Variants in NELL1 observed in about 807,000 individuals in gnomAD.
The protein encoded by NELL1 is neural EGFL like 1.
Under a neutral mutation model 107.4 loss-of-function variants are expected in NELL1, and 76 were observed. The observed-to-expected ratio is 0.71, with a 90% CI of 0.59 to 0.86. The LOEUF (loss-of-function observed/expected upper bound fraction) is 0.86, where lower values mean the gene tolerates loss of function less well. Ranked by LOEUF, NELL1 falls within the 40% of genes least tolerant of loss-of-function variation. The pLI is 0.00. For synonymous variants in NELL1, 353 were observed against 341.2 expected, an observed-to-expected ratio of 1.03 and a Z score of -0.38; for missense variants, 1,024 against 1,005.5, an observed-to-expected ratio of 1.02 and a Z score of -0.25.
At chr11:21,166,233 G>T (rs979879735) in intron 13 of NELL1, among the ~76,000 whole-genome samples, 2 of 151,690 alleles carry the variant, frequency 1.3e-5, no homozygotes, top group African/African-American at 4.9e-5. Flanking sequence ...GGCTGGGAAG[G>T]GTAGTTGGAG....
At chr11:21,032,379 TTTGTTGTTGTTTTTG>T (rs1338530654) in intron 12 of NELL1, among the ~76,000 whole-genome samples, 7 of 152,066 alleles carry the variant, frequency 4.6e-5, no homozygotes, top group Non-Finnish European at 1.0e-4. Flanking sequence ...ATGTAGAATT[TTTGTTGTTGTTTTTG>T]TTGTTGTTGT....
At chr11:21,031,203 C>T (rs1334119080) in intron 12 of NELL1, among the ~76,000 whole-genome samples, 1 of 152,160 alleles carries the variant, frequency 6.6e-6, no homozygotes, top group African/African-American at 2.4e-5. Flanking sequence ...CTGTGCACTT[C>T]CCTGCTGTTA....
At chr11:21,374,305 C>T (rs2133757872) in intron 15 of NELL1, among the ~76,000 whole-genome samples, 1 of 152,150 alleles carries the variant, frequency 6.6e-6, no homozygotes, top group South Asian at 2.1e-4. Context: ...AAGATGTTGA[C>T]TGGGCCAGTG....
chr11:21,039,210 T>G (rs1426635172), intron 12 of NELL1, among the ~76,000 whole-genome samples: 1 of 151,392 alleles, frequency 6.6e-6, no homozygotes, highest in Non-Finnish European at 1.5e-5. Context: ...CGAGACAGAG[T>G]CTTGCTCTGC....
intron 14 of NELL1, among the ~76,000 whole-genome samples, chr11:21,331,423 C>T (rs1028854354): frequency 5.9e-5 from 9 of 152,020 alleles, no homozygotes; most frequent in African/African-American, 2.2e-4. Flanking sequence ...TTTAGTGACA[C>T]TGGCAGTGTA....
At position 20,988,194 on chromosome 11, in the gene NELL1, A is replaced by T. The variant is rs890912267; in HGVS notation, c.1300+27634A>T. Among the ~76,000 whole-genome samples the T allele has an allele frequency of 5.9e-5, 9 of 152,202 alleles. No homozygotes were observed. The South Asian group carries it at 1.9e-3, about 32-fold the overall frequency. On this transcript the variant is annotated intron_variant, in intron 12 of 19. Transcript: ENST00000357134. ...TTTGCCTTTTCTGCTATTTTATCAC[A>T]TAGGGATGGACTGTACTTCATATAC...
intron 12 of NELL1, among the ~76,000 whole-genome samples, chr11:21,062,942 C>G (rs1853777195): frequency 6.6e-6 from 1 of 152,110 alleles, no homozygotes; most frequent in Non-Finnish European, 1.5e-5. Context: ...ATTCTCATCC[C>G]TTAGCCTTCC....
chr11:21,398,711 G>T (rs773280865), intron 15 of NELL1, among the ~76,000 whole-genome samples: 3 of 151,652 alleles, frequency 2.0e-5, no homozygotes, highest in Non-Finnish European at 2.9e-5. Context: ...TCAGTAAATG[G>T]CCTCTGAACA....
At chr11:20,734,531 G>A (rs1855717902) in intron 2 of NELL1, among the ~76,000 whole-genome samples, 1 of 152,126 alleles carries the variant, frequency 6.6e-6, no homozygotes. Flanking sequence ...AGAGACAACA[G>A]GATGGATTGG....
chr11:21,301,015 G>C (rs1040466181), intron 14 of NELL1, among the ~76,000 whole-genome samples: 7 of 152,046 alleles, frequency 4.6e-5, no homozygotes, highest in Non-Finnish European at 8.8e-5. Flanking sequence ...CTGTCCTTGC[G>C]ATAGTTTGCT....
At chr11:20,757,782 A>C (rs1564896365) in intron 2 of NELL1, among the ~76,000 whole-genome samples, 1 of 152,184 alleles carries the variant, frequency 6.6e-6, no homozygotes, top group Non-Finnish European at 1.5e-5. Context: ...ACCTGATTTG[A>C]GAGCCATGTT....
At chr11:21,016,460 T>C (rs1480045054) in intron 12 of NELL1, among the ~76,000 whole-genome samples, 1 of 152,108 alleles carries the variant, frequency 6.6e-6, no homozygotes, top group Admixed American at 6.6e-5. Flanking sequence ...ACCACCTTTC[T>C]AGTCTCTTTC....
chr11:21,186,545 C>G (rs1246929418), intron 13 of NELL1, among the ~76,000 whole-genome samples: 1 of 151,878 alleles, frequency 6.6e-6, no homozygotes, highest in Non-Finnish European at 1.5e-5. Flanking sequence ...TCTGGACCCT[C>G]TCCAAGGCTT....
intron 14 of NELL1, among the ~76,000 whole-genome samples, chr11:21,290,360 C>T (rs574594272): frequency 8.1e-5 from 12 of 148,612 alleles, no homozygotes; most frequent in South Asian, 4.2e-4. Context: ...CAGAGCAAGA[C>T]GCCATCTCAA....
intron 13 of NELL1, among the ~76,000 whole-genome samples, chr11:21,123,796 G>A (rs1195971802): frequency 6.6e-6 from 1 of 152,108 alleles, no homozygotes; most frequent in Non-Finnish European, 1.5e-5. Context: ...ACTGGAAGCA[G>A]CGTAAATATA....
chr11:20,715,281 C>T (rs1855221709), intron 2 of NELL1, among the ~76,000 whole-genome samples: 1 of 130,360 alleles, frequency 7.7e-6, no homozygotes, highest in Admixed American at 8.6e-5. Context: ...GGATGGATGA[C>T]TGCCATTTGA....
chr11:21,153,004 A>C (rs966122063), intron 13 of NELL1, among the ~76,000 whole-genome samples: 1 of 152,116 alleles, frequency 6.6e-6, no homozygotes, highest in Admixed American at 6.6e-5. Context: ...CCTAAGAATA[A>C]CCTTTTAAAA....
intron 13 of NELL1, among the ~76,000 whole-genome samples, chr11:21,181,841 G>A (rs1856834309): frequency 6.6e-6 from 1 of 151,762 alleles, no homozygotes; most frequent in Non-Finnish European, 1.5e-5. Context: ...TTCTACTAGT[G>A]TACTGAAGAA....
intron 12 of NELL1, among the ~76,000 whole-genome samples, chr11:21,107,916 A>T (rs1345969263): frequency 6.6e-6 from 1 of 152,174 alleles, no homozygotes; most frequent in Non-Finnish European, 1.5e-5. Flanking sequence ...CTGTCAATCC[A>T]GTGTTCTTTG....
Sources: allele counts gnomAD v4.1 joint callset (sites outside exome capture counted in the v4.1 genomes callset), GRCh38; gene constraint gnomAD v4.1.1; transcripts MANE v1.5; gene names NCBI Gene and HGNC (gene_info 2026-07-23, HGNC 2026-07-21).